Variants in BAIAP2L2 observed in about 807,000 individuals in gnomAD.
The protein encoded by BAIAP2L2 is BAR/IMD domain containing adaptor protein 2 like 2.
Under a neutral mutation model 60.4 loss-of-function variants are expected in BAIAP2L2, and 65 were observed. The ratio of observed to expected loss-of-function variants is 1.08; its 90% confidence interval spans 0.88 to 1.32. The LOEUF is 1.32. BAIAP2L2 is among the 40% of genes most tolerant of loss of function. The pLI, the probability that BAIAP2L2 is intolerant of heterozygous loss-of-function variation, is 0.00. For missense variants in BAIAP2L2, 836 were observed against 741.2 expected, an observed-to-expected ratio of 1.13 and a Z score of -1.48; for synonymous variants, 344 against 301.7, an observed-to-expected ratio of 1.14 and a Z score of -1.45.
At chr22:38,099,469 G>A (rs1269938148) in intron 4 of BAIAP2L2, among the ~76,000 whole-genome samples, 2 of 152,038 alleles carry the variant, frequency 1.3e-5, no homozygotes, top group Non-Finnish European at 2.9e-5. Context: ...GGGAGGCGGA[G>A]GTTGTAGTGA....
chr22:38,109,470 C>T (rs372528918), intron 1 of BAIAP2L2, among the ~76,000 whole-genome samples: 8 of 152,266 alleles, frequency 5.3e-5, no homozygotes, highest in South Asian at 4.1e-4. Flanking sequence ...TCTGCTCTGG[C>T]GGGACCGAGG....
intron 1 of BAIAP2L2, among the ~76,000 whole-genome samples, chr22:38,109,612 G>A (rs1038402589): frequency 6.6e-6 from 1 of 152,166 alleles, no homozygotes; most frequent in Non-Finnish European, 1.5e-5. Context: ...TACACGCCTG[G>A]GGCTGCCAAC....
At chr22:38,098,285 C>G in intron 5 of BAIAP2L2, 106 bp from the exon 6 acceptor site, 1 of 1,467,220 alleles carries the variant, frequency 6.8e-7, no homozygotes, top group Non-Finnish European at 9.5e-7. Context: ...TGGGGCTCAG[C>G]TGGGAACATG....
At position 38,108,202 on chromosome 22, in the gene BAIAP2L2, G is replaced by A; in HGVS notation, c.214+53C>T. ...GACTCGGGACATCCTGGAAGGGCAA[G>A]GGTGCAAAAGGAGGGCCCAAGAATG... On this transcript the variant is annotated intron_variant, in intron 3 of 13. Transcript: ENST00000381669. 8 of 1,517,716 alleles carry A rather than the reference G, an allele frequency of 5.3e-6. No homozygotes were observed. In the South Asian group the frequency reaches 8.1e-5, roughly 15 times the overall value. 94.0% of individuals were successfully genotyped at this position (1,517,716 alleles called of 1,614,324 possible). A position where few individuals can be genotyped will look rare whatever the true frequency, so the allele number is the denominator to read the frequency against.
In BAIAP2L2 at chr22:38,110,566, G is replaced by A. The variant is rs1208860558; in HGVS notation, c.-41C>T. 2 of 1,564,758 alleles carry A rather than the reference G, an allele frequency of 1.3e-6. No individual in the cohort carries two copies. The highest frequency in any genetic ancestry group is 1.7e-6 in the Non-Finnish European group (2 of 1,146,070). On this transcript the variant is annotated 5_prime_UTR_variant, in exon 1 of 14. Transcript: ENST00000381669. ...GGTCTGAGCAGGAGGCTGGGAGCTG[G>A]TGGCGATGGCACAGCCGGGAGCAGT... is the stretch of plus-strand genomic sequence containing the variant.
At chr22:38,089,341 GGCGGAGACCGGGCCACCACGGGGGC>G (rs1410834339) in intron 8 of BAIAP2L2, 110 bp from the exon 9 acceptor site, 361 of 571,854 alleles carry the variant, frequency 6.3e-4, no homozygotes, top group Non-Finnish European at 8.9e-4. Flanking sequence ...GGGTTCTGGG[GGCGGAGACCGGGCCACCACGGGGGC>G]GCGGAGAACG....
chr22:38,090,880 G>A (rs2086282529), intron 7 of BAIAP2L2: 1 of 152,148 alleles, frequency 6.6e-6, no homozygotes. Flanking sequence ...CAGCAATAAC[G>A]GGAAGGCTTG....
rs1238573261 is a variant in BAIAP2L2 at position 38,110,597 on chromosome 22, G to A, written c.-72C>T. 2.2e-6 allele frequency: 3 copies of A among 1,355,880 alleles called. No individual in the cohort carries two copies. Among genetic ancestry groups the A allele is most frequent in the Non-Finnish European group, 3.1e-6 (3 of 981,676 alleles). 84.0% of individuals were successfully genotyped at this position (1,355,880 alleles called of 1,614,324 possible). ...ATGGCACAGCCGGGAGCAGTGGTAG[G>A]TAGTCCCTCAGGTGCCCACGACTCA... On this transcript the variant is annotated 5_prime_UTR_variant, in exon 1 of 14. Coordinates refer to ENST00000381669, the MANE Select transcript of BAIAP2L2 (RefSeq NM_025045.6).
In BAIAP2L2 at chr22:38,087,249, G is replaced by C. The variant is rs759921346; in HGVS notation, c.1134C>G (p.Pro378=). The C allele has an allele frequency of 3.1e-6, 5 of 1,605,802 alleles. No homozygotes were observed. Among genetic ancestry groups the C allele is most frequent in the Admixed American group, 1.7e-5 (1 of 58,716 alleles). The change falls in exon 11 of 14, where the codon CCC becomes CCG. Residue 378 remains proline (P), a synonymous_variant. Coordinates refer to ENST00000381669, the MANE Select transcript of BAIAP2L2 (RefSeq NM_025045.6). Reference sequence around the variant, plus strand: ...CCTCCAGAGCCTTCACGTACGCCTCGGGGAACCAACCGCTCCTGTGGGGTA... The same window carrying C: ...CCTCCAGAGCCTTCACGTACGCCTCCGGGAACCAACCGCTCCTGTGGGGTA... ...LEGSSASGWF[P]EAYVKALEEG...
At chr22:38,107,369 G>A (rs751458168) in intron 4 of BAIAP2L2, among the ~76,000 whole-genome samples, 9 of 152,130 alleles carry the variant, frequency 5.9e-5, no homozygotes, top group Admixed American at 2.6e-4. Context: ...CACTCTTCCG[G>A]GGGGCTGGGC....
At chr22:38,107,667 C>T (rs1239224174) in intron 4 of BAIAP2L2, among the ~76,000 whole-genome samples, 185 bp downstream of exon 4, 1 of 152,128 alleles carries the variant, frequency 6.6e-6, no homozygotes, top group Non-Finnish European at 1.5e-5. Flanking sequence ...ATGCCACCAG[C>T]CTCCTAGGGC....
At chr22:38,107,767 G>T (rs777248065) in intron 4 of BAIAP2L2, 85 bp downstream of exon 4, 22 of 1,300,966 alleles carry the variant, frequency 1.7e-5, no homozygotes, top group Middle Eastern at 1.8e-4. Flanking sequence ...CCCTGGGAAG[G>T]GCATCTGGTA....
chr22:38,105,400 T>C (rs5750538), intron 4 of BAIAP2L2, among the ~76,000 whole-genome samples: 69,028 of 147,788 alleles, frequency 0.47, 16,921 homozygotes, highest in South Asian at 0.63. Context: ...AGTGCTGTGG[T>C]GCGATCTCTG....
At chr22:38,109,068 G>A in intron 2 of BAIAP2L2, 65 bp downstream of exon 2, 2 of 1,372,554 alleles carry the variant, frequency 1.5e-6, no homozygotes, top group Non-Finnish European at 1.0e-6. Flanking sequence ...ATCTGGGAGG[G>A]GCCTGGGTGG....
In BAIAP2L2 at chr22:38,088,906, C is replaced by T; in HGVS notation, c.960G>A (p.Pro320=). 2 of 1,560,926 alleles carry T rather than the reference C, an allele frequency of 1.3e-6. No homozygotes were observed. The highest frequency in any genetic ancestry group is 1.7e-6 in the Non-Finnish European group (2 of 1,160,984). The change falls in exon 10 of 14, where the codon CCG becomes CCA. Residue 320 remains proline, a synonymous_variant. Transcript: ENST00000381669. ...SSRSNSFGER[P]GGGGGARRVR... is the part of the protein sequence containing the mutation. ...CTCTCCTGGCGCCCCCGCCGCCGCC[C>T]GGGCGCTCGCCAAAGGAGTTGGAGC...
intron 4 of BAIAP2L2, among the ~76,000 whole-genome samples, chr22:38,105,375 C>A (rs376310740): frequency 2.0e-5 from 3 of 146,834 alleles, no homozygotes; most frequent in Non-Finnish European, 4.5e-5. Context: ...AGAGTCTCAC[C>A]GTCACCCAGG....
At position 38,085,256 on chromosome 22, in the gene BAIAP2L2, G is replaced by C. The variant is rs369755081; in HGVS notation, c.*44C>G. The C allele has an allele frequency of 1.3e-6, 2 of 1,585,090 alleles. No homozygotes were observed. The highest frequency in any genetic ancestry group is 2.7e-5 in the African/African-American group (2 of 74,254). Reference sequence around the variant, plus strand: ...TCGCTGCCATTGCCAGCTCTGAACAGCCCCTGGGCAGGTGCACTGTGGGGT... The same window carrying C: ...TCGCTGCCATTGCCAGCTCTGAACACCCCCTGGGCAGGTGCACTGTGGGGT... On this transcript the variant is annotated 3_prime_UTR_variant, in exon 14 of 14. Transcript: ENST00000381669.
chr22:38,094,821 G>GGGCGTGGGA (rs146521441), intron 7 of BAIAP2L2, among the ~76,000 whole-genome samples: 51,026 of 150,152 alleles, frequency 0.34, 10,007 homozygotes, highest in Admixed American at 0.45. Context: ...GACTCGGGGA[G>GGGCGTGGGA]GGCGTGGGAG....
At chr22:38,095,275 G>A (rs530201953) in intron 7 of BAIAP2L2, among the ~76,000 whole-genome samples, 6 of 152,364 alleles carry the variant, frequency 3.9e-5, no homozygotes, top group African/African-American at 1.4e-4. Context: ...CCAGGAAGTG[G>A]AGGATGGGAA....
Sources: allele counts gnomAD v4.1 joint callset (sites outside exome capture counted in the v4.1 genomes callset), GRCh38; gene constraint gnomAD v4.1.1; transcripts MANE v1.5; gene names NCBI Gene and HGNC (gene_info 2026-07-23, HGNC 2026-07-21).